TSC22D4: variants seen among roughly 807,000 people sequenced by gnomAD.
TSC22D4 encodes the protein TSC22 domain family member 4.
Under a neutral mutation model 24.9 loss-of-function variants are expected in TSC22D4, and 5 were observed. The ratio of observed to expected loss-of-function variants is 0.20; its 90% CI spans 0.10 to 0.42. The LOEUF (loss-of-function observed/expected upper bound fraction) is 0.42. Among genes scored for constraint, TSC22D4 ranks in the 10% least tolerant of loss-of-function variants. TSC22D4 has a pLI of 1.00. For synonymous variants in TSC22D4, 245 were observed against 243.2 expected, an observed-to-expected ratio of 1.01 and a Z score of -0.07; for missense variants, 469 against 547.9, an observed-to-expected ratio of 0.86 and a Z score of 1.44.
rs751497123 is a variant in TSC22D4 at position 100,474,467 on chromosome 7, A to G, written c.763-27T>C. The G allele has an allele frequency of 3.7e-6, 6 of 1,611,916 alleles. No homozygotes were observed. In the South Asian group the frequency reaches 6.6e-5, roughly 18 times the overall value. The stretch of plus-strand genomic sequence containing the variant: ...TGGAGGCGGAGAGGTAGGAACCATC[A>G]CATGAAAAGAGAAAAGAAAGGAACC... On this transcript the variant is annotated intron_variant, in intron 2 of 4. Transcript: ENST00000300181. The surrounding 1 kb of genome is among the most constrained non-coding windows in gnomAD (Gnocchi z 4.3).
In TSC22D4 at chr7:100,474,919, A is replaced by G. The variant is rs1340064352; in HGVS notation, c.763-479T>C. The stretch of plus-strand genomic sequence containing the variant: ...TGAGCTTAAGCGATCCTCCAGCCTC[A>G]GCCACCCGAGTAGCTGGGACTACAG... On this transcript the variant is annotated intron_variant, in intron 2 of 4. Transcript: ENST00000300181. The surrounding 1 kb of genome is among the most constrained non-coding windows in gnomAD (Gnocchi z 4.3). Among the ~76,000 whole-genome samples the G allele has an allele frequency of 1.3e-5, 2 of 152,144 alleles. No individual in the cohort carries two copies. Among genetic ancestry groups the G allele is most frequent in the Non-Finnish European group, 2.9e-5 (2 of 68,024 alleles).
In TSC22D4 at chr7:100,477,917, G is replaced by A. The variant is rs1799537335; in HGVS notation, c.122C>T (p.Pro41Leu). Residue 41 changes from proline to leucine, a missense_variant, in exon 2 of 5, where the codon CCC (proline) becomes CTC (leucine). Pro to Leu is a moderately conservative substitution (Grantham distance 98, BLOSUM62 -3). Transcript: ENST00000300181. This position sits in a 1 kb window ranked among gnomAD's most constrained non-coding sequence, Gnocchi z 7.8. ...PTPQPPTGPP[P>L]RLPNGEPSPD... ...GCTGGGCTCCCCATTGGGCAGGCGG[G>A]GCGGGGGCCCGGTTGGGGGCTGTGG... 6.4e-7 allele frequency: 1 copy of A among 1,556,242 alleles called. No homozygotes were observed.
Position 100,466,971 on chromosome 7 carries a change from C to G in TSC22D4, c.1176G>C (p.Gly392=). 6.4e-7 allele frequency: 1 copy of G among 1,571,026 alleles called. No homozygotes were observed. Among genetic ancestry groups the G allele is most frequent in the Non-Finnish European group, 8.6e-7 (1 of 1,158,142 alleles). Residue 392 remains glycine (G), a synonymous_variant, in exon 5 of 5, where the codon GGG becomes GGC. Transcript: ENST00000300181. ...AGGGAAGGGAGGCTCAGACGGAGGG[C>G]CCATTGGGCGCAGGGGGCCCAAGCC... ...VPRLGPPAPN[G]PSV
rs1285474335 is a variant in TSC22D4 at position 100,466,769 on chromosome 7, G to A, written c.*190C>T. 4.5e-6 allele frequency: 3 copies of A among 660,254 alleles called. No individual in the cohort carries two copies. The highest frequency in any genetic ancestry group is 3.7e-5 in the African/African-American group (2 of 54,724). The allele number at this position is 660,254 out of a possible 1,614,324, so 40.9% of individuals were successfully genotyped here. Reference sequence around the variant, plus strand: ...GGGGCTCCCTCTGACGCCCCGTCCTGAAGCCCTCCCTCCTCCATCAAGGCT... The same window carrying A: ...GGGGCTCCCTCTGACGCCCCGTCCTAAAGCCCTCCCTCCTCCATCAAGGCT... On this transcript the variant is annotated 3_prime_UTR_variant, in exon 5 of 5. Coordinates refer to ENST00000300181, the MANE Select transcript of TSC22D4 (RefSeq NM_030935.5).
chr7:100,469,991 GGGT>G (rs1799363309), intron 3 of TSC22D4, among the ~76,000 whole-genome samples: 1 of 152,118 alleles, frequency 6.6e-6, no homozygotes, highest in Non-Finnish European at 1.5e-5. Context: ...GGGACTCTTG[GGGT>G]GGTGGGAGAG....
intron 3 of TSC22D4, among the ~76,000 whole-genome samples, chr7:100,470,248 A>G (rs1309396190): frequency 6.6e-6 from 1 of 152,162 alleles, no homozygotes; most frequent in Non-Finnish European, 1.5e-5. Context: ...CCAGAGATAA[A>G]GGAATAATAC....
intron 3 of TSC22D4, among the ~76,000 whole-genome samples, chr7:100,471,297 A>C (rs528478545): frequency 6.6e-6 from 1 of 152,282 alleles, no homozygotes; most frequent in South Asian, 2.1e-4. Flanking sequence ...CTAGAGAGAA[A>C]GGATATTGTA....
chr7:100,477,702 G>T lies in TSC22D4; in HGVS notation c.337C>A (p.Arg113=). 1 of 1,597,166 alleles carries T rather than the reference G, an allele frequency of 6.3e-7. No homozygotes were observed. The highest frequency in any genetic ancestry group is 8.5e-7 in the Non-Finnish European group (1 of 1,177,806). Residue 113 remains arginine (R), a synonymous_variant, in exon 2 of 5, where the codon CGA becomes AGA. Coordinates refer to ENST00000300181, the MANE Select transcript of TSC22D4 (RefSeq NM_030935.5). The surrounding 1 kb of genome is among the most constrained non-coding windows in gnomAD (Gnocchi z 7.8). The part of the protein sequence containing the change: ...HSFGGLLEGI[R]GASGGAGGRS... ...CCCCCGGCGCCCCCTGAGGCCCCTC[G>T]AATTCCCTCCAGGAGTCCGCCGAAG...
intron 3 of TSC22D4, among the ~76,000 whole-genome samples, chr7:100,469,507 T>C (rs1799355083): frequency 6.6e-6 from 1 of 151,978 alleles, no homozygotes; most frequent in Non-Finnish European, 1.5e-5. Flanking sequence ...AGAACCTGGC[T>C]CTCCCTCAAG....
At chr7:100,475,772 G>T (rs1409719252) in intron 2 of TSC22D4, among the ~76,000 whole-genome samples, 1 of 151,424 alleles carries the variant, frequency 6.6e-6, no homozygotes, top group East Asian at 1.9e-4. Context: ...AAGGGCGGGG[G>T]CGACAGGAAC....
Position 100,466,871 on chromosome 7 carries a change from G to T in TSC22D4, c.*88C>A, listed in dbSNP as rs11559121. On this transcript the variant is annotated 3_prime_UTR_variant, in exon 5 of 5. Coordinates refer to ENST00000300181, the MANE Select transcript of TSC22D4 (RefSeq NM_030935.5). Reference sequence around the variant, plus strand: ...CCTTGAACTCCCACCCCGGGGACACGGGGACATTAAAGCTGCATAGGAAGA... The same window carrying T: ...CCTTGAACTCCCACCCCGGGGACACTGGGACATTAAAGCTGCATAGGAAGA... 1 of 1,302,426 alleles carries T rather than the reference G, an allele frequency of 7.7e-7. No homozygotes were observed. The highest frequency in any genetic ancestry group is 1.0e-6 in the Non-Finnish European group (1 of 961,474). 80.7% of individuals were successfully genotyped at this position (1,302,426 alleles called of 1,614,324 possible). A position where few individuals can be genotyped will look rare whatever the true frequency, so the allele number is the denominator to read the frequency against.
At chr7:100,467,440 G>A (rs1000875952) in intron 4 of TSC22D4, 112 bp downstream of exon 4, 6 of 1,205,994 alleles carry the variant, frequency 5.0e-6, no homozygotes, top group Non-Finnish European at 7.3e-6. Context: ...AGCAGGGAGA[G>A]GGACGGAGGA....
chr7:100,466,605 T>C lies in TSC22D4; in HGVS notation c.*354A>G. The C allele has an allele frequency of 3.6e-6, 1 of 278,836 alleles. No homozygotes were observed. Among genetic ancestry groups the C allele is most frequent in the Non-Finnish European group, 6.7e-6 (1 of 149,414 alleles). The allele number at this position is 278,836 out of a possible 1,614,324, so 17.3% of individuals were successfully genotyped here. ...ACTTCCAGATACTGTCCACACTCCC[T>C]CCCCTGGGCAGAGGAGAGGAGGCAC... On this transcript the variant is annotated 3_prime_UTR_variant, in exon 5 of 5. Transcript: ENST00000300181.
chr7:100,469,380 G>C (rs1008341393), intron 3 of TSC22D4, among the ~76,000 whole-genome samples: 2 of 152,060 alleles, frequency 1.3e-5, no homozygotes, highest in African/African-American at 2.4e-5. Context: ...GGGAGTCTGG[G>C]GTGACAGGGT....
At position 100,478,093 on chromosome 7, in the gene TSC22D4, A is replaced by C; in HGVS notation, c.-55T>G. Reference sequence around the variant, plus strand: ...TTGGGGGTGGGTTGGGGCTCCTTGAAGGGGCTCAGGCACCCCTGGAACAAG... The same window carrying C: ...TTGGGGGTGGGTTGGGGCTCCTTGACGGGGCTCAGGCACCCCTGGAACAAG... On this transcript the variant is annotated 5_prime_UTR_variant, in exon 2 of 5. Transcript: ENST00000300181. 2 of 1,468,774 alleles carry C rather than the reference A, an allele frequency of 1.4e-6. No homozygotes were observed. Among genetic ancestry groups the C allele is most frequent in the Non-Finnish European group, 1.8e-6 (2 of 1,089,838 alleles). 91.0% of individuals were successfully genotyped at this position (1,468,774 alleles called of 1,614,324 possible). A position where few individuals can be genotyped will look rare whatever the true frequency, so the allele number is the denominator to read the frequency against.
chr7:100,474,005 C>G lies in TSC22D4; in HGVS notation c.929+269G>C. On this transcript the variant is annotated intron_variant, in intron 3 of 4. Coordinates refer to ENST00000300181, the MANE Select transcript of TSC22D4 (RefSeq NM_030935.5). This position sits in a 1 kb window ranked among gnomAD's most constrained non-coding sequence, Gnocchi z 4.3. ...TCTAAATCTGCAAGAGCTCTGGAAT[C>G]TGACAACAATGACTCCCTTCAGACT... The G allele has an allele frequency of 2.5e-6, 1 of 401,344 alleles. No homozygotes were observed. Among genetic ancestry groups the G allele is most frequent in the South Asian group, 3.0e-5 (1 of 33,870 alleles). The allele number at this position is 401,344 out of a possible 1,614,324, so 24.9% of individuals were successfully genotyped here.
intron 2 of TSC22D4, among the ~76,000 whole-genome samples, chr7:100,475,725 C>G (rs1799483647): frequency 6.6e-6 from 1 of 151,296 alleles, no homozygotes; most frequent in Admixed American, 6.6e-5. Flanking sequence ...TGGGCGTGGA[C>G]CTGCATAGCC....
At chr7:100,475,273 G>A (rs939600624) in intron 2 of TSC22D4, among the ~76,000 whole-genome samples, 1 of 152,000 alleles carries the variant, frequency 6.6e-6, no homozygotes. Context: ...TAGTAGAGAC[G>A]ACAGGGTTTC....
At position 100,469,227 on chromosome 7, in the gene TSC22D4, T is replaced by TAA. The variant is rs57659736; in HGVS notation, c.930-1629_930-1628dup. ...GGACAACAAGAGCAAAACTCTGTCT[T>TAA]AAAAAAAAAAAAAAAAAAATCGCCT... On this transcript the variant is annotated intron_variant, in intron 3 of 4. Coordinates refer to ENST00000300181, the MANE Select transcript of TSC22D4 (RefSeq NM_030935.5). Among the ~76,000 whole-genome samples, 401 of 130,334 alleles carry TAA rather than the reference T, an allele frequency of 3.1e-3. 2 individuals are homozygous for TAA. Among genetic ancestry groups the TAA allele is most frequent in the African/African-American group, 7.8e-3 (269 of 34,704 alleles). 85.5% of individuals were successfully genotyped at this position (130,334 alleles called of 152,430 possible). A position where few individuals can be genotyped will look rare whatever the true frequency, so the allele number is the denominator to read the frequency against.
Sources: gnomAD v4.1 joint callset for allele counts (sites outside exome capture counted in the v4.1 genomes callset) on GRCh38, gnomAD v4.1.1 for gene constraint, Gnocchi (gnomAD v3.1) non-coding constraint, MANE v1.5 for transcripts, NCBI Gene and HGNC (gene_info 2026-07-23, HGNC 2026-07-21) for gene names.